C6orf132: variants seen among roughly 807,000 people sequenced by gnomAD.
C6orf132 encodes the protein chromosome 6 open reading frame 132.
Under a neutral mutation model 65.3 loss-of-function variants are expected in C6orf132, and 43 were observed. The observed-to-expected ratio is 0.66, with a 90% confidence interval of 0.52 to 0.85. The LOEUF is 0.85. C6orf132 is among the 40% of genes least tolerant of loss of function. The pLI is 0.00. For synonymous variants in C6orf132, 631 were observed against 654.1 expected (o/e 0.96, Z 0.54); for missense variants, 1,488 against 1,548.8 (o/e 0.96, Z 0.66).
chr6:42,126,023 A>G (rs1005109132), intron 2 of C6orf132, among the ~76,000 whole-genome samples: 1 of 150,154 alleles, frequency 6.7e-6, no homozygotes, highest in South Asian at 2.1e-4. Flanking sequence ...GGACAGCAGG[A>G]GCCACTCCAG....
chr6:42,137,873 G>A (rs969518635), intron 1 of C6orf132, among the ~76,000 whole-genome samples: 5 of 151,816 alleles, frequency 3.3e-5, no homozygotes, highest in Non-Finnish European at 7.4e-5. Context: ...TCAGGAGATC[G>A]AGACCATCCT....
intron 1 of C6orf132, among the ~76,000 whole-genome samples, chr6:42,137,949 C>T (rs1052433846): frequency 7.2e-5 from 11 of 152,210 alleles, no homozygotes; most frequent in South Asian, 2.1e-4. Flanking sequence ...TGGCGCAGGC[C>T]GGGGAGGCTG....
At position 42,103,464 on chromosome 6, in the gene C6orf132, A is replaced by T. The variant is rs1310954497; in HGVS notation, c.*297T>A. ...AACTCTTGCTAAAGCAGATAGTACC[A>T]GAGAGCAGAAACTCAGCGCCCAGGT... On this transcript the variant is annotated 3_prime_UTR_variant, in exon 5 of 5. Transcript: ENST00000341865. 2 of 390,258 alleles carry T rather than the reference A, an allele frequency of 5.1e-6. No individual in the cohort carries two copies. The highest frequency in any genetic ancestry group is 9.0e-6 in the Non-Finnish European group (2 of 221,580). The allele number at this position is 390,258 out of a possible 1,614,324, so 24.2% of individuals were successfully genotyped here. A position where few individuals can be genotyped will look rare whatever the true frequency, so the allele number is the denominator to read the frequency against.
chr6:42,128,968 G>A (rs1298780611), intron 1 of C6orf132, among the ~76,000 whole-genome samples, 190 bp from the exon 2 acceptor site: 2 of 152,244 alleles, frequency 1.3e-5, no homozygotes, highest in Non-Finnish European at 2.9e-5. Context: ...GGCCAGCTGA[G>A]GTGGCGCTGG....
chr6:42,108,294 C>T (rs922810556), intron 3 of C6orf132, among the ~76,000 whole-genome samples: 7 of 152,264 alleles, frequency 4.6e-5, no homozygotes, highest in Non-Finnish European at 7.4e-5. Flanking sequence ...TGTCAGTGCT[C>T]GCTTCTTACA....
chr6:42,104,343 C>A lies in C6orf132; in HGVS notation c.3449+120G>T. On this transcript the variant is annotated intron_variant, in intron 4 of 4. Transcript: ENST00000341865. This position sits in a 1 kb window ranked among gnomAD's most constrained non-coding sequence, Gnocchi z 4.1. Reference sequence around the variant, plus strand: ...AAGTGGGCCTCCCTCCCGCGTTCTACCTGCAAGGCCGAAGGGAGAAAACCA... The same window carrying A: ...AAGTGGGCCTCCCTCCCGCGTTCTAACTGCAAGGCCGAAGGGAGAAAACCA... 1 of 1,222,400 alleles carries A rather than the reference C, an allele frequency of 8.2e-7. No individual in the cohort carries two copies. The highest frequency in any genetic ancestry group is 1.0e-6 in the Non-Finnish European group (1 of 982,138). 75.7% of individuals were successfully genotyped at this position (1,222,400 alleles called of 1,614,324 possible).
At chr6:42,135,768 C>A (rs1766931946) in intron 1 of C6orf132, among the ~76,000 whole-genome samples, 1 of 152,222 alleles carries the variant, frequency 6.6e-6, no homozygotes. Context: ...AAGCCCTCAC[C>A]ACCCCATGGG....
In C6orf132 at chr6:42,104,480, G is replaced by A. The variant is rs959274616; in HGVS notation, c.3432C>T (p.Phe1144=). ...HKAPGSADYG[F]APAAGRSPYT... is the part of the protein sequence containing the mutation. ...CAGCTCACCTGCCGGCAGCTGGGGC[G>A]AAGCCGTAGTCGGCGCTGCCGGGCG... The change falls in exon 4 of 5, where the codon TTC becomes TTT. Residue 1144 remains phenylalanine, a synonymous_variant. Transcript: ENST00000341865. This position sits in a 1 kb window ranked among gnomAD's most constrained non-coding sequence, Gnocchi z 4.1. 3.2e-6 allele frequency: 4 copies of A among 1,231,264 alleles called. No individual in the cohort carries two copies. The highest frequency in any genetic ancestry group is 4.0e-6 in the Non-Finnish European group (4 of 987,912). The allele number at this position is 1,231,264 out of a possible 1,614,324, so 76.3% of individuals were successfully genotyped here.
chr6:42,129,350 C>T (rs1221612795), intron 1 of C6orf132, among the ~76,000 whole-genome samples: 2 of 152,158 alleles, frequency 1.3e-5, no homozygotes, highest in Admixed American at 6.5e-5. Context: ...GCAGAAAAAA[C>T]GGGACAGTAG....
At chr6:42,120,928 CT>C (rs1303212966) in intron 2 of C6orf132, among the ~76,000 whole-genome samples, 13 of 152,288 alleles carry the variant, frequency 8.5e-5, no homozygotes, top group African/African-American at 3.1e-4. Context: ...GCCTAGTTTT[CT>C]TTTTAATTAT....
intron 2 of C6orf132, among the ~76,000 whole-genome samples, chr6:42,122,239 T>C (rs1195854012): frequency 6.6e-6 from 1 of 151,174 alleles, no homozygotes; most frequent in Non-Finnish European, 1.5e-5. Context: ...CACCAGGTAT[T>C]ATGGCGGGCC....
chr6:42,116,965 G>A (rs1200463690), intron 2 of C6orf132, among the ~76,000 whole-genome samples: 2 of 152,126 alleles, frequency 1.3e-5, no homozygotes, highest in Admixed American at 6.6e-5. Flanking sequence ...CCCAACCCCC[G>A]AAAGTCACTG....
intron 1 of C6orf132, among the ~76,000 whole-genome samples, chr6:42,141,752 G>T (rs768072635): frequency 9.9e-5 from 15 of 152,168 alleles, no homozygotes; most frequent in Admixed American, 8.5e-4. Context: ...TGCGCCTGTT[G>T]TTTTTTCCTG....
intron 3 of C6orf132, 91 bp from the exon 4 acceptor site, chr6:42,107,674 C>T: frequency 2.1e-6 from 3 of 1,460,494 alleles, no homozygotes; most frequent in Non-Finnish European, 2.8e-6. Context: ...CAGGGGTGGG[C>T]ACCCAAGAGA....
At position 42,104,978 on chromosome 6, in the gene C6orf132, C is replaced by T. The variant is rs547708981; in HGVS notation, c.2934G>A (p.Glu978=). The change falls in exon 4 of 5, where the codon GAG becomes GAA. Residue 978 remains glutamate (E), a synonymous_variant. Transcript: ENST00000341865. The surrounding 1 kb of genome is among the most constrained non-coding windows in gnomAD (Gnocchi z 4.1). ...GGATGACCTCGAAGTTGAACTCCTC[C>T]TCCTCCTCCTCCCTCTTGTTCGAAG... ...PSPSNKREEE[E]EEFNFEVIPP... 1 of 1,483,160 alleles carries T rather than the reference C, an allele frequency of 6.7e-7. No homozygotes were observed. The highest frequency in any genetic ancestry group is 1.2e-5 in the South Asian group (1 of 80,344). The allele number at this position is 1,483,160 out of a possible 1,614,324, so 91.9% of individuals were successfully genotyped here. A position where few individuals can be genotyped will look rare whatever the true frequency, so the allele number is the denominator to read the frequency against.
At chr6:42,110,610 A>G (rs1055595945) in intron 2 of C6orf132, among the ~76,000 whole-genome samples, 12 of 152,192 alleles carry the variant, frequency 7.9e-5, no homozygotes, top group African/African-American at 2.9e-4. Flanking sequence ...ATTTTTGTCA[A>G]CTGATCAATA....
chr6:42,108,861 G>A (rs1766453955), intron 3 of C6orf132, among the ~76,000 whole-genome samples: 1 of 152,102 alleles, frequency 6.6e-6, no homozygotes, highest in Admixed American at 6.6e-5. Context: ...GCTCTGAAGG[G>A]CTCCTCCCAG....
At chr6:42,130,005 G>T (rs1274343967) in intron 1 of C6orf132, among the ~76,000 whole-genome samples, 2 of 152,202 alleles carry the variant, frequency 1.3e-5, no homozygotes, top group Non-Finnish European at 1.5e-5. Flanking sequence ...TCCCCACACC[G>T]ATAGCCGCAG....
chr6:42,138,234 T>C (rs1441747394), intron 1 of C6orf132, among the ~76,000 whole-genome samples: 2 of 152,070 alleles, frequency 1.3e-5, no homozygotes, highest in Non-Finnish European at 2.9e-5. Context: ...GCAGCCTCTA[T>C]CTCCCAGGCT....
Sources: gnomAD v4.1 joint callset for allele counts (sites outside exome capture counted in the v4.1 genomes callset) on GRCh38, gnomAD v4.1.1 for gene constraint, Gnocchi (gnomAD v3.1) non-coding constraint, MANE v1.5 for transcripts, NCBI Gene and HGNC (gene_info 2026-07-23, HGNC 2026-07-21) for gene names.